Variants in TTC39C observed in about 807,000 individuals in gnomAD.
TTC39C encodes the protein tetratricopeptide repeat protein 39C.
A neutral mutation model predicts 76.3 loss-of-function variants in TTC39C; 33 were observed. The ratio of observed to expected loss-of-function variants is 0.43; its 90% CI spans 0.33 to 0.58. The LOEUF (loss-of-function observed/expected upper bound fraction) is 0.58, where lower values mean the gene tolerates loss of function less well. Ranked by LOEUF, TTC39C falls within the 20% of genes least tolerant of loss-of-function variation. The probability of loss-of-function intolerance (pLI) is 0.04; values close to 1 mark genes in which losing one functional copy is unlikely to be tolerated. For missense variants in TTC39C, 595 were observed against 701.4 expected, an observed-to-expected ratio of 0.85 and a Z score of 1.71; for synonymous variants, 254 against 260.6, an observed-to-expected ratio of 0.97 and a Z score of 0.24.
At chr18:24,066,860 G>C (rs1426526977) in intron 3 of TTC39C, among the ~76,000 whole-genome samples, 2 of 152,208 alleles carry the variant, frequency 1.3e-5, no homozygotes, top group East Asian at 1.9e-4. Context: ...CAGAGGGCCA[G>C]AGTTTTCCTA....
intron 4 of TTC39C, among the ~76,000 whole-genome samples, chr18:24,078,107 ATTATT>A (rs1158030733): frequency 1.3e-5 from 2 of 152,230 alleles, no homozygotes; most frequent in Non-Finnish European, 2.9e-5. Context: ...TATTACTTTT[ATTATT>A]TTAAAGTTAC....
chr18:24,064,558 A>T (rs1284889905), intron 2 of TTC39C, among the ~76,000 whole-genome samples: 1 of 152,230 alleles, frequency 6.6e-6, no homozygotes, highest in Non-Finnish European at 1.5e-5. Flanking sequence ...AAGTTAAATG[A>T]GCAGAGCTAA....
intron 1 of TTC39C, among the ~76,000 whole-genome samples, chr18:24,016,006 T>TG (rs2083450810): frequency 6.6e-6 from 1 of 152,188 alleles, no homozygotes; most frequent in Non-Finnish European, 1.5e-5. Flanking sequence ...ATGGAGACCC[T>TG]GTAGTTTGGT....
chr18:24,071,330 A>G (rs1171067123), intron 4 of TTC39C, among the ~76,000 whole-genome samples: 2 of 152,224 alleles, frequency 1.3e-5, no homozygotes, highest in Non-Finnish European at 2.9e-5. Context: ...TTAGTTAGAT[A>G]AGCAAACACA....
chr18:24,130,234 G>A (rs2085107487), intron 11 of TTC39C, 79 bp from the exon 12 acceptor site: 18 of 641,096 alleles, frequency 2.8e-5, no homozygotes, highest in Admixed American at 5.8e-5. Flanking sequence ...CCCCCTTCCC[G>A]CCCCCTCTTG....
rs1401898190 is a variant in TTC39C, at chr18:24,133,338, T to C, written c.*764T>C. 3 of 152,234 alleles carry C rather than the reference T, an allele frequency of 2.0e-5. No homozygotes were observed. Among genetic ancestry groups the C allele is most frequent in the Non-Finnish European group, 2.9e-5 (2 of 68,036 alleles). 9.4% of individuals were successfully genotyped at this position (152,234 alleles called of 1,614,324 possible). A position where few individuals can be genotyped will look rare whatever the true frequency, so the allele number is the denominator to read the frequency against. ...CAGAATGTTTCAAAGCGATGGACAC[T>C]CTTTTTCCTTTGAAAGCCAACCAAG... On this transcript the variant is annotated 3_prime_UTR_variant, in exon 14 of 14. Coordinates refer to ENST00000317571, the MANE Select transcript of TTC39C (RefSeq NM_001135993.2).
intron 1 of TTC39C, among the ~76,000 whole-genome samples, chr18:24,051,294 A>T (rs904099056): frequency 5.3e-5 from 8 of 152,214 alleles, no homozygotes; most frequent in Non-Finnish European, 1.2e-4. Flanking sequence ...CAGCCAGCGT[A>T]TTACGAAGTC....
At chr18:24,117,320 G>A (rs1227640371) in intron 7 of TTC39C, among the ~76,000 whole-genome samples, 3 of 152,192 alleles carry the variant, frequency 2.0e-5, no homozygotes, top group Non-Finnish European at 2.9e-5. Flanking sequence ...ATCCAGGAAG[G>A]TGGGGTTCTT....
At chr18:24,019,777 T>C in intron 1 of TTC39C, 1 of 1,104,042 alleles carries the variant, frequency 9.1e-7, no homozygotes, top group South Asian at 1.5e-5. Context: ...TGGTTGCTTG[T>C]GCACTACACC....
chr18:24,076,967 T>TC (rs909289753), intron 4 of TTC39C: 130 of 152,364 alleles, frequency 8.5e-4, no homozygotes, highest in African/African-American at 3.0e-3. Flanking sequence ...AACGTTTGTT[T>TC]CCAGTTCTAC....
intron 6 of TTC39C, among the ~76,000 whole-genome samples, chr18:24,099,014 T>TGTGG (rs2084638663): frequency 6.9e-6 from 1 of 144,184 alleles, no homozygotes; most frequent in African/African-American, 2.7e-5. Context: ...AATGTGTGTG[T>TGTGG]GTGTGTGTGT....
At chr18:24,019,361 A>C (rs997907771) in intron 1 of TTC39C, among the ~76,000 whole-genome samples, 4 of 152,228 alleles carry the variant, frequency 2.6e-5, no homozygotes, top group African/African-American at 9.6e-5. Flanking sequence ...ACTCATGGTC[A>C]ACTAAAATAG....
intron 9 of TTC39C, 167 bp downstream of exon 9, chr18:24,124,110 C>A: frequency 2.1e-6 from 1 of 486,126 alleles, no homozygotes; most frequent in Non-Finnish European, 3.6e-6. Flanking sequence ...TACATCTGCT[C>A]TGAATAGAAG....
intron 1 of TTC39C, among the ~76,000 whole-genome samples, chr18:24,030,648 C>CATTTT (rs1481201965): frequency 1.1e-4 from 10 of 89,040 alleles, no homozygotes; most frequent in African/African-American, 4.1e-4. Context: ...AAAGATAGGC[C>CATTTT]TTTTTTTTTT....
chr18:24,057,167 G>A (rs2084026451), intron 1 of TTC39C, among the ~76,000 whole-genome samples: 1 of 151,872 alleles, frequency 6.6e-6, no homozygotes, highest in South Asian at 2.1e-4. Flanking sequence ...ACAAATCCCA[G>A]TCAATGTCTC....
At chr18:24,088,496 A>G (rs975218881) in intron 6 of TTC39C, among the ~76,000 whole-genome samples, 1 of 152,192 alleles carries the variant, frequency 6.6e-6, no homozygotes. Context: ...AGTAAAGGCT[A>G]GGGAGTCCTG....
Position 24,131,748 on chromosome 18 carries a change from A to T in TTC39C, c.1624-134A>T. ...AAAAAAGAAGAATATTGGAGTCATT[A>T]TACTTGAATGAACAGTTGACTCATT... On this transcript the variant is annotated intron_variant, in intron 12 of 13. Coordinates refer to ENST00000317571, the MANE Select transcript of TTC39C (RefSeq NM_001135993.2). 6 of 679,754 alleles carry T rather than the reference A, an allele frequency of 8.8e-6. 1 individual carries two copies. The South Asian group carries it at 1.2e-4, about 14-fold the overall frequency. The allele number at this position is 679,754 out of a possible 1,614,324, so 42.1% of individuals were successfully genotyped here.
At chr18:24,089,539 A>T (rs1236584043) in intron 6 of TTC39C, among the ~76,000 whole-genome samples, 1 of 152,236 alleles carries the variant, frequency 6.6e-6, no homozygotes, top group Non-Finnish European at 1.5e-5. Context: ...TTCCAGTGAG[A>T]TAAATCCATA....
upstream of TTC39C, among the ~76,000 whole-genome samples, chr18:24,011,124 C>T (rs1008423982): frequency 1.3e-5 from 2 of 152,184 alleles, no homozygotes; most frequent in South Asian, 2.1e-4. Context: ...TGTTGATTGT[C>T]GCTCTCACAT....
Sources: allele counts gnomAD v4.1 joint callset (sites outside exome capture counted in the v4.1 genomes callset), GRCh38; gene constraint gnomAD v4.1.1; transcripts MANE v1.5; gene names NCBI Gene and HGNC (gene_info 2026-07-23, HGNC 2026-07-21).